RLF: variants seen among roughly 807,000 people sequenced by gnomAD.
The protein encoded by RLF is RLF zinc finger.
A neutral mutation model predicts 162.9 loss-of-function variants in RLF; 7 were observed. The ratio of observed to expected loss-of-function variants is 0.04; its 90% CI spans 0.02 to 0.08. RLF has a LOEUF of 0.08. Ranked by LOEUF, RLF falls within the 10% of genes least tolerant of loss-of-function variation. The pLI is 1.00. For missense variants in RLF, 1,664 were observed against 2,244.7 expected, an observed-to-expected ratio of 0.74 and a Z score of 5.23; for synonymous variants, 782 against 791.5, an observed-to-expected ratio of 0.99 and a Z score of 0.20.
intron 5 of RLF, among the ~76,000 whole-genome samples, chr1:40,206,406 A>T (rs1642795604): frequency 6.6e-6 from 1 of 152,212 alleles, no homozygotes; most frequent in African/African-American, 2.4e-5. Context: ...AAGACATAGG[A>T]TAAGGAATAT....
chr1:40,221,094 A>C (rs1642987251), intron 5 of RLF, among the ~76,000 whole-genome samples: 1 of 152,104 alleles, frequency 6.6e-6, no homozygotes, highest in Non-Finnish European at 1.5e-5. Context: ...GATTACCCTA[A>C]CTGCACTGCA....
At chr1:40,170,467 T>G (rs984080797) in intron 1 of RLF, among the ~76,000 whole-genome samples, 11 of 152,184 alleles carry the variant, frequency 7.2e-5, no homozygotes, top group African/African-American at 2.6e-4. Flanking sequence ...CGCCACGTTG[T>G]CCAAGCTGGT....
intron 1 of RLF, among the ~76,000 whole-genome samples, chr1:40,164,949 A>G (rs1333107662): frequency 6.6e-6 from 1 of 152,190 alleles, no homozygotes; most frequent in Non-Finnish European, 1.5e-5. Context: ...GGGGAGTACA[A>G]GGGCTCTGAG....
chr1:40,214,325 T>G (rs1247028545), intron 5 of RLF, among the ~76,000 whole-genome samples: 3 of 152,140 alleles, frequency 2.0e-5, no homozygotes, highest in East Asian at 3.8e-4. Flanking sequence ...TGAATAAGAT[T>G]AACTTTTTTA....
chr1:40,195,490 T>C (rs1463287459), intron 3 of RLF, 142 bp from the exon 4 acceptor site: 1 of 613,140 alleles, frequency 1.6e-6, no homozygotes. Context: ...CACAAGGCTT[T>C]GAGTATAGTC....
At chr1:40,182,307 G>A (rs1336242449) in intron 1 of RLF, among the ~76,000 whole-genome samples, 3 of 152,092 alleles carry the variant, frequency 2.0e-5, no homozygotes, top group Non-Finnish European at 4.4e-5. Context: ...GGTGGCGGGC[G>A]CCTGTAATCC....
Position 40,235,814 on chromosome 1 carries a change from T to A in RLF, c.1112T>A (p.Val371Glu). The change falls in exon 8 of 8, where the codon GTG becomes GAG. Residue 371 changes from valine to glutamate, a missense_variant. Coordinates refer to ENST00000372771, the MANE Select transcript of RLF (RefSeq NM_012421.4). ...QTEAQDAGLG[V>E]SILLCVRALQ... ...CAGGCACAAGATGCTGGTCTTGGGG[T>A]GTCAATTTTACTGTGTGTCAGAGCT... 1 of 1,592,554 alleles carries A rather than the reference T, an allele frequency of 6.3e-7. No homozygotes were observed. The highest frequency in any genetic ancestry group is 8.5e-7 in the Non-Finnish European group (1 of 1,171,156).
At chr1:40,225,887 A>C (rs1371920776) in intron 6 of RLF, among the ~76,000 whole-genome samples, 1 of 147,846 alleles carries the variant, frequency 6.8e-6, no homozygotes, top group Non-Finnish European at 1.5e-5. Context: ...GCAAAAAAAA[A>C]AAAAAAAAAA....
At chr1:40,177,693 G>C (rs1642346387) in intron 1 of RLF, 2 of 152,024 alleles carry the variant, frequency 1.3e-5, no homozygotes, top group Non-Finnish European at 2.9e-5. Flanking sequence ...GAGATGTTCT[G>C]CTATTTTCTT....
At chr1:40,213,422 G>A (rs1642887455) in intron 5 of RLF, among the ~76,000 whole-genome samples, 1 of 152,172 alleles carries the variant, frequency 6.6e-6, no homozygotes, top group East Asian at 1.9e-4. Flanking sequence ...AAGCATTGGT[G>A]ACCATTTATT....
At position 40,186,292 on chromosome 1, in the gene RLF, AG is replaced by A. The variant is rs199933564; in HGVS notation, c.238-2762del. ...AGACTCTATCTCAATTTAAAAAAAA[AG>A]TGATAATGAAGAAGATTGATTATTC... On this transcript the variant is annotated intron_variant, in intron 1 of 7. Coordinates refer to ENST00000372771, the MANE Select transcript of RLF (RefSeq NM_012421.4). Among the ~76,000 whole-genome samples, 556 of 152,292 alleles carry A rather than the reference AG, an allele frequency of 3.7e-3. 13 individuals are homozygous for A. The highest frequency in any genetic ancestry group is 0.032 in the East Asian group (165 of 5,186).
intron 3 of RLF, among the ~76,000 whole-genome samples, 168 bp from the exon 4 acceptor site, chr1:40,195,464 G>C (rs1204928611): frequency 6.7e-6 from 1 of 150,194 alleles, no homozygotes; most frequent in Non-Finnish European, 1.5e-5. Flanking sequence ...AAAAAAAAAA[G>C]ACAGCAACAG....
intron 6 of RLF, among the ~76,000 whole-genome samples, chr1:40,225,237 A>C (rs1222435256): frequency 6.6e-6 from 1 of 152,192 alleles, no homozygotes; most frequent in Non-Finnish European, 1.5e-5. Context: ...TCTTGGGAGT[A>C]TCATTCTTGA....
chr1:40,162,440 A>G (rs1337680232), intron 1 of RLF, among the ~76,000 whole-genome samples: 3 of 152,144 alleles, frequency 2.0e-5, no homozygotes, highest in Non-Finnish European at 4.4e-5. Context: ...CAAGTCTTTT[A>G]CAAATACAAA....
At chr1:40,169,665 G>A (rs1346823776) in intron 1 of RLF, among the ~76,000 whole-genome samples, 6 of 149,770 alleles carry the variant, frequency 4.0e-5, no homozygotes, top group Non-Finnish European at 5.9e-5. Context: ...CTTGAAATAA[G>A]GGTTCTATGT....
At chr1:40,176,632 G>A (rs973436641) in intron 1 of RLF, among the ~76,000 whole-genome samples, 6 of 152,054 alleles carry the variant, frequency 3.9e-5, no homozygotes, top group South Asian at 2.1e-4. Flanking sequence ...TTATAATGGC[G>A]GGATTTTGCC....
Position 40,228,768 on chromosome 1 carries a change from G to A in RLF, c.948-2749G>A, listed in dbSNP as rs146336971. Among the ~76,000 whole-genome samples the A allele has an allele frequency of 2.0e-4, 31 of 152,158 alleles. No individual in the cohort carries two copies. The East Asian group carries it at 5.4e-3, about 27-fold the overall frequency. ...TCCAAGTATCTGGGATTATAGGCAT[G>A]AGCCTCTGTGCCCAGCTTTAGTTAG... On this transcript the variant is annotated intron_variant, in intron 6 of 7. Transcript: ENST00000372771.
At chr1:40,163,681 A>G (rs1642127208) in intron 1 of RLF, among the ~76,000 whole-genome samples, 2 of 152,196 alleles carry the variant, frequency 1.3e-5, no homozygotes, top group South Asian at 4.1e-4. Context: ...GTAACACTGT[A>G]TTGTAATAGA....
intron 7 of RLF, among the ~76,000 whole-genome samples, chr1:40,235,338 C>T (rs1003401826): frequency 6.6e-6 from 1 of 152,130 alleles, no homozygotes; most frequent in Non-Finnish European, 1.5e-5. Context: ...CAGGCGTGAG[C>T]CACCGTGCCC....
Sources: gnomAD v4.1 joint callset for allele counts (sites outside exome capture counted in the v4.1 genomes callset) on GRCh38, gnomAD v4.1.1 for gene constraint, MANE v1.5 for transcripts, NCBI Gene and HGNC (gene_info 2026-07-23, HGNC 2026-07-21) for gene names.